The following GLMN variants were observed in gnomAD, a reference collection of about 807,000 sequenced individuals.
GLMN encodes glomulin, FKBP associated protein.
In GLMN, 75 loss-of-function variants were observed where a neutral mutation model predicts 87.8. The ratio of observed to expected loss-of-function variants is 0.85; its 90% CI spans 0.71 to 1.04. GLMN has a LOEUF of 1.04. GLMN is among the 50% of genes least tolerant of loss of function. The pLI, the probability that GLMN is intolerant of heterozygous loss-of-function variation, is 0.00. For synonymous variants in GLMN, 206 were observed against 221.6 expected (o/e 0.93, Z 0.63); for missense variants, 588 against 658.8 (o/e 0.89, Z 1.18).
chr1:92,291,619 A>C, intron 3 of GLMN, 82 bp from the exon 4 acceptor site: 4 of 1,367,744 alleles, frequency 2.9e-6, no homozygotes, highest in South Asian at 2.4e-5. Flanking sequence ...GGAAGAGCTC[A>C]GAATTGTTTC....
At chr1:92,263,564 C>A in intron 15 of GLMN, 59 bp downstream of exon 15, 1 of 813,438 alleles carries the variant, frequency 1.2e-6, no homozygotes, top group Non-Finnish European at 2.2e-6. Context: ...GTTCCCTAAG[C>A]AGATGTTTCA....
At chr1:92,259,556 C>A (rs537145831) in intron 16 of GLMN, among the ~76,000 whole-genome samples, 17 of 151,952 alleles carry the variant, frequency 1.1e-4, no homozygotes, top group Non-Finnish European at 1.9e-4. Context: ...GAATGTGATT[C>A]TCTTCTTAAT....
intron 13 of GLMN, among the ~76,000 whole-genome samples, 175 bp from the exon 14 acceptor site, chr1:92,264,813 T>C (rs985090574): frequency 3.9e-5 from 6 of 152,338 alleles, no homozygotes; most frequent in African/African-American, 2.4e-5. Context: ...GTAATAGTTA[T>C]TGCTCTCACT....
chr1:92,363,578 C>A, the GLMN span: 23 of 157,688 alleles, frequency 1.5e-4, no homozygotes, highest in Non-Finnish European at 2.0e-4. Flanking sequence ...AGTGAAAACA[C>A]AATTGACCCT....
intron 7 of GLMN, among the ~76,000 whole-genome samples, chr1:92,274,837 AC>A (rs1647186496): frequency 6.6e-6 from 1 of 151,988 alleles, no homozygotes; most frequent in African/African-American, 2.4e-5. Context: ...TCTACTTCTG[AC>A]TTCTCCAGTC....
intron 16 of GLMN, among the ~76,000 whole-genome samples, chr1:92,260,139 T>C (rs190407190): frequency 1.0e-3 from 152 of 152,300 alleles, no homozygotes; most frequent in Admixed American, 2.0e-3. Flanking sequence ...CACGACCTAT[T>C]GTCATTGCAC....
At chr1:92,277,819 A>G (rs1383179492) in intron 7 of GLMN, among the ~76,000 whole-genome samples, 1 of 152,140 alleles carries the variant, frequency 6.6e-6, no homozygotes, top group Non-Finnish European at 1.5e-5. Context: ...TTTATAGTAA[A>G]CCACTAAATG....
At chr1:92,308,984 G>C in the GLMN span, among the ~76,000 whole-genome samples, 1 of 152,014 alleles carries the variant, frequency 6.6e-6, no homozygotes, top group Non-Finnish European at 1.5e-5. Context: ...TAAATAAAAT[G>C]AAGTAAAACA....
At chr1:92,282,734 A>G (rs1036307109) in intron 7 of GLMN, among the ~76,000 whole-genome samples, 5 of 152,190 alleles carry the variant, frequency 3.3e-5, no homozygotes, top group African/African-American at 9.7e-5. Flanking sequence ...CTCTAGCAAG[A>G]TTAATAAAGA....
At chr1:92,336,423 T>A in the GLMN span, 1 of 1,581,488 alleles carries the variant, frequency 6.3e-7, no homozygotes, top group Non-Finnish European at 8.7e-7. Context: ...TGTTCGAACT[T>A]TCAGGTTAGT....
At chr1:92,292,246 T>TTTA (rs1405539561) in intron 3 of GLMN, among the ~76,000 whole-genome samples, 17 of 151,542 alleles carry the variant, frequency 1.1e-4, no homozygotes, top group African/African-American at 3.6e-4. Context: ...CCTCCTAGAG[T>TTTA]CCTTCTTTAA....
intron 4 of GLMN, among the ~76,000 whole-genome samples, chr1:92,290,713 T>C (rs1649310311): frequency 6.6e-6 from 1 of 152,234 alleles, no homozygotes; most frequent in African/African-American, 2.4e-5. Context: ...GGCCATATCT[T>C]ATCATCTCAC....
rs778651218 is a variant in GLMN, at chr1:92,262,862, CTTGA to C, written c.1470_1473del (p.Asn490LysfsTer16). ...AGTTTCTTTTCAAATACTTCACTTA[CTTGA>C]TTGTCATTTTCATTATCTTTGATAA... On this transcript the variant is annotated frameshift_variant and splice_region_variant, in exon 16 of 19. Coordinates refer to ENST00000370360, the MANE Select transcript of GLMN (RefSeq NM_053274.3). LOFTEE classifies it high-confidence loss of function. 1.1e-5 allele frequency: 12 copies of C among 1,095,172 alleles called. No homozygotes were observed. Among genetic ancestry groups the C allele is most frequent in the Non-Finnish European group, 1.5e-5 (11 of 712,042 alleles). 67.8% of individuals were successfully genotyped at this position (1,095,172 alleles called of 1,614,324 possible).
the GLMN span, among the ~76,000 whole-genome samples, chr1:92,355,669 T>C: frequency 6.6e-6 from 1 of 152,178 alleles, no homozygotes; most frequent in East Asian, 1.9e-4. Flanking sequence ...GTGCAGACTT[T>C]AGTTGACATT....
At chr1:92,360,741 C>T in the GLMN span, among the ~76,000 whole-genome samples, 1 of 152,124 alleles carries the variant, frequency 6.6e-6, no homozygotes, top group Non-Finnish European at 1.5e-5. Context: ...GCCTCCTGTT[C>T]TTAATTTCAA....
At chr1:92,288,036 G>GT (rs757014686) in intron 6 of GLMN, among the ~76,000 whole-genome samples, 11,490 of 143,244 alleles carry the variant, frequency 0.08, 627 homozygotes, top group Non-Finnish European at 0.11. Flanking sequence ...GTATTTTACT[G>GT]TTTTTTTTTT....
At position 92,288,986 on chromosome 1, in the gene GLMN, A is replaced by G. The variant is rs766070500; in HGVS notation, c.560T>C (p.Phe187Ser). Residue 187 changes from phenylalanine to serine, a missense_variant, in exon 6 of 19, where the codon TTT becomes TCT. By Grantham distance (155) the Phe-to-Ser change is radical (BLOSUM62 -2). Transcript: ENST00000370360. The part of the protein sequence containing the change: ...CKALIEFTKP[F>S]VEEVIDNKEN... ...TTTGTTATCAATGACTTCTTCCACA[A>G]AAGGCTTAGTGAACTCTATTAAGGC... 2 of 1,613,016 alleles carry G rather than the reference A, an allele frequency of 1.2e-6. No individual in the cohort carries two copies. The highest frequency in any genetic ancestry group is 1.7e-4 in the Middle Eastern group (1 of 6,060).
intron 16 of GLMN, among the ~76,000 whole-genome samples, chr1:92,254,456 C>T (rs1228573172): frequency 1.3e-5 from 2 of 152,112 alleles, no homozygotes; most frequent in East Asian, 3.9e-4. Flanking sequence ...AACCCCAAGA[C>T]ACATAATCAT....
the GLMN span, among the ~76,000 whole-genome samples, chr1:92,343,969 C>G: frequency 7.2e-5 from 11 of 152,254 alleles, no homozygotes; most frequent in East Asian, 1.9e-3. Context: ...AAGTCAGTCC[C>G]CTTTGTTCCC....
Sources: allele counts gnomAD v4.1 joint callset (sites outside exome capture counted in the v4.1 genomes callset), GRCh38; gene constraint gnomAD v4.1.1; transcripts MANE v1.5; gene names NCBI Gene and HGNC (gene_info 2026-07-23, HGNC 2026-07-21).